GSE1: variants seen among roughly 807,000 people sequenced by gnomAD.
GSE1 encodes the protein genetic suppressor element 1.
GSE1 carries 32 observed loss-of-function variants against 112.6 expected under a neutral mutation model. The ratio of observed to expected loss-of-function variants is 0.28; its 90% confidence interval spans 0.21 to 0.38. GSE1 has a LOEUF of 0.38. GSE1 is among the 10% of genes least tolerant of loss of function. The pLI is 1.00. For missense variants in GSE1, 2,348 were observed against 1,699.2 expected (o/e 1.38, Z -6.71); for synonymous variants, 1,115 against 735.6 (o/e 1.52, Z -8.35).
chr16:85,647,083 AGCCCCTT>A (rs1178358010), intron 2 of GSE1, among the ~76,000 whole-genome samples: 2 of 152,112 alleles, frequency 1.3e-5, no homozygotes, highest in African/African-American at 4.8e-5. Context: ...TGAAGGAGGA[AGCCCCTT>A]CCCTTAGGGC....
chr16:85,310,947 C>G (rs1383251802), intron 1 of GSE1, among the ~76,000 whole-genome samples: 1 of 152,196 alleles, frequency 6.6e-6, no homozygotes, highest in Non-Finnish European at 1.5e-5. Flanking sequence ...GAGGGGACAG[C>G]AGGGCCCCCC....
chr16:85,630,328 G>A (rs184951445), intron 1 of GSE1, among the ~76,000 whole-genome samples: 208 of 152,340 alleles, frequency 1.4e-3, no homozygotes, highest in African/African-American at 4.9e-3. Flanking sequence ...TTGAAAGGAT[G>A]ACTGATGAAG....
At chr16:85,613,996 C>T (rs931374456) in intron 1 of GSE1, among the ~76,000 whole-genome samples, 4 of 151,566 alleles carry the variant, frequency 2.6e-5, no homozygotes, top group South Asian at 2.1e-4. Context: ...GTGACCCCCA[C>T]GCCCTGCTTC....
chr16:85,480,772 C>G (rs1488355429), intron 2 of GSE1, among the ~76,000 whole-genome samples: 1 of 152,172 alleles, frequency 6.6e-6, no homozygotes, highest in African/African-American at 2.4e-5. Context: ...TCCAGGGCCC[C>G]CATCCCCACC....
intron 1 of GSE1, among the ~76,000 whole-genome samples, chr16:85,199,246 C>CG (rs996001458): frequency 1.1e-4 from 17 of 152,024 alleles, no homozygotes; most frequent in Admixed American, 1.1e-3. Flanking sequence ...CATGAGCCAC[C>CG]GTGCCCCGCC....
chr16:85,575,656 A>G (rs2046200493), intron 1 of GSE1, among the ~76,000 whole-genome samples: 1 of 152,162 alleles, frequency 6.6e-6, no homozygotes, highest in African/African-American at 2.4e-5. Flanking sequence ...CCCCTTAATA[A>G]TAATGCTTTA....
At chr16:85,671,781 T>C (rs2053361005) in intron 15 of GSE1, 1 of 154,056 alleles carries the variant, frequency 6.5e-6, no homozygotes, top group South Asian at 2.0e-4. Flanking sequence ...GAAGGGAAGC[T>C]GAAGCAACTG....
rs529629723 is a variant in GSE1, at chr16:85,399,717, C to T, written c.2464+42074C>T. 2.2e-4 allele frequency among the ~76,000 whole-genome samples: 33 copies of T among 152,332 alleles called. 1 individual carries two copies. The highest frequency in any genetic ancestry group is 1.8e-3 in the Admixed American group (27 of 15,302). On this transcript the variant is annotated intron_variant, in intron 2 of 2. Transcript: ENST00000637419. ...GTGGGGGATGCCGCAGACAGTGAAA[C>T]GGGCAAGGATACCTACACTTGGCGG... is the stretch of plus-strand genomic sequence containing the variant.
chr16:85,309,621 G>T (rs2045777988), intron 1 of GSE1, among the ~76,000 whole-genome samples: 1 of 152,234 alleles, frequency 6.6e-6, no homozygotes, highest in South Asian at 2.1e-4. Flanking sequence ...CCCGGATCTG[G>T]CCGGGAGCAG....
At chr16:85,536,504 C>A (rs548142798) in intron 2 of GSE1, among the ~76,000 whole-genome samples, 4 of 152,184 alleles carry the variant, frequency 2.6e-5, no homozygotes, top group Non-Finnish European at 5.9e-5. Context: ...GGGCAGGGCT[C>A]GTCTAGCACA....
chr16:85,433,481 C>T (rs530006476), intron 2 of GSE1, among the ~76,000 whole-genome samples: 1 of 152,144 alleles, frequency 6.6e-6, no homozygotes, highest in Non-Finnish European at 1.5e-5. Flanking sequence ...CCTCTGCTGC[C>T]CACTCACTGT....
chr16:85,589,552 C>G (rs979743658), intron 1 of GSE1, among the ~76,000 whole-genome samples: 1 of 152,196 alleles, frequency 6.6e-6, no homozygotes, highest in Non-Finnish European at 1.5e-5. Flanking sequence ...TTTACCAGCT[C>G]TCCAAGTGAA....
intron 1 of GSE1, among the ~76,000 whole-genome samples, chr16:85,589,750 C>T (rs918311438): frequency 6.6e-6 from 1 of 151,812 alleles, no homozygotes; most frequent in Non-Finnish European, 1.5e-5. Context: ...GATGACTGAA[C>T]ATGTGTGAAC....
intron 2 of GSE1, among the ~76,000 whole-genome samples, chr16:85,639,640 T>TCCAGCTCC (rs1404388472): frequency 6.6e-6 from 1 of 152,228 alleles, no homozygotes; most frequent in Non-Finnish European, 1.5e-5. Flanking sequence ...GCCCTGTGCT[T>TCCAGCTCC]CCAGCTCCCC....
At chr16:85,169,821 C>G in exon 1 of GSE1, 1 of 984,302 alleles carries the variant, frequency 1.0e-6, no homozygotes, top group Non-Finnish European at 1.2e-6. Context: ...AGCAGTGGGC[C>G]GCCTTCGAGC....
At chr16:85,370,388 T>C (rs546784360) in intron 2 of GSE1, among the ~76,000 whole-genome samples, 12 of 152,188 alleles carry the variant, frequency 7.9e-5, no homozygotes, top group South Asian at 4.1e-4. Context: ...TGGTCACTGC[T>C]CAACCCGTCT....
Position 85,668,225 on chromosome 16 carries a change from C to A in GSE1, c.3216C>A (p.Ser1072Arg). The A allele has an allele frequency of 6.2e-7, 1 of 1,610,012 alleles. No homozygotes were observed. Among genetic ancestry groups the A allele is most frequent in the Non-Finnish European group, 8.5e-7 (1 of 1,176,346 alleles). The change falls in exon 14 of 16, where the codon AGC becomes AGA. Residue 1072 changes from serine to arginine, a missense_variant. Physicochemically the swap from Ser to Arg is moderately radical, Grantham distance 110. Transcript: ENST00000253458. Reference sequence around the variant, plus strand: ...ACATTCCTGAGCTGCAGTCCTCCAGCCGCGCCCCTCCACCCCAGCACAATG... The same window carrying A: ...ACATTCCTGAGCTGCAGTCCTCCAGACGCGCCCCTCCACCCCAGCACAATG... The part of the protein sequence containing the change: ...HYNIPELQSS[S>R]RAPPPQHNGQ...
chr16:85,443,601 T>TG (rs150220502), intron 2 of GSE1, among the ~76,000 whole-genome samples: 9,895 of 152,270 alleles, frequency 0.065, 1,083 homozygotes, highest in African/African-American at 0.23. Flanking sequence ...GAAGCATAGG[T>TG]TCAGATGCTT....
intron 1 of GSE1, among the ~76,000 whole-genome samples, chr16:85,246,571 C>T (rs906121935): frequency 2.1e-5 from 3 of 143,790 alleles, no homozygotes; most frequent in Non-Finnish European, 3.0e-5. Flanking sequence ...TGATTTATGT[C>T]CCCAGTCGTC....
Sources: gnomAD v4.1 joint callset for allele counts (sites outside exome capture counted in the v4.1 genomes callset) on GRCh38, gnomAD v4.1.1 for gene constraint, MANE v1.5 for transcripts, NCBI Gene and HGNC (gene_info 2026-07-23, HGNC 2026-07-21) for gene names.